The following TACR1 variants were observed in gnomAD, a reference collection of about 807,000 sequenced individuals.
TACR1 encodes the protein tachykinin receptor 1, also known as substance-P receptor.
In TACR1, 25 loss-of-function variants were observed where a neutral mutation model predicts 35.8. The ratio of observed to expected loss-of-function variants is 0.70; its 90% CI spans 0.51 to 0.98. The LOEUF (loss-of-function observed/expected upper bound fraction) is 0.98, where lower values mean the gene tolerates loss of function less well. Ranked by LOEUF, TACR1 falls within the 50% of genes least tolerant of loss-of-function variation. The pLI, the probability that TACR1 is intolerant of heterozygous loss-of-function variation, is 0.00. For synonymous variants in TACR1, 195 were observed against 206.7 expected (o/e 0.94, Z 0.48); for missense variants, 478 against 522.9 (o/e 0.91, Z 0.84).
At position 75,100,401 on chromosome 2, in the gene TACR1, T is replaced by C. The variant is rs72918537; in HGVS notation, c.584+20173A>G. 3.3e-3 allele frequency among the ~76,000 whole-genome samples: 510 copies of C among 152,344 alleles called. 2 individuals are homozygous for C. Among genetic ancestry groups the C allele is most frequent in the African/African-American group, 0.011 (477 of 41,576 alleles). Reference sequence around the variant, plus strand: ...AACCTCTCTTTCAAATCTTTGTGCATGTGGTTGTCTCGATTTGGAATTCTT... The same window carrying C: ...AACCTCTCTTTCAAATCTTTGTGCACGTGGTTGTCTCGATTTGGAATTCTT... On this transcript the variant is annotated intron_variant, in intron 2 of 4. Coordinates refer to ENST00000305249, the MANE Select transcript of TACR1 (RefSeq NM_001058.4).
intron 1 of TACR1, among the ~76,000 whole-genome samples, chr2:75,155,524 C>T (rs1368815216): frequency 6.6e-6 from 1 of 152,116 alleles, no homozygotes; most frequent in South Asian, 2.1e-4. Context: ...TCTTCTGGTC[C>T]AGCTCACCTG....
At chr2:75,182,753 C>T (rs776664717) in intron 1 of TACR1, among the ~76,000 whole-genome samples, 10 of 152,106 alleles carry the variant, frequency 6.6e-5, no homozygotes, top group Admixed American at 1.3e-4. Flanking sequence ...CCAAGTGTAT[C>T]GTAGGCTATA....
intron 2 of TACR1, among the ~76,000 whole-genome samples, chr2:75,098,217 A>C (rs561989899): frequency 6.6e-6 from 1 of 152,342 alleles, no homozygotes; most frequent in East Asian, 1.9e-4. Flanking sequence ...AGACAATTCT[A>C]TGCATAGATT....
At chr2:75,154,089 A>G (rs571933637) in intron 1 of TACR1, among the ~76,000 whole-genome samples, 1 of 152,200 alleles carries the variant, frequency 6.6e-6, no homozygotes, top group South Asian at 2.1e-4. Flanking sequence ...GTGCACAACT[A>G]AAGTTCACTT....
At chr2:75,170,891 T>G (rs1409256045) in intron 1 of TACR1, among the ~76,000 whole-genome samples, 1 of 152,140 alleles carries the variant, frequency 6.6e-6, no homozygotes, top group East Asian at 1.9e-4. Context: ...TTCAGTTTTA[T>G]GTAGTCACAA....
rs150286018 is a variant in TACR1, at chr2:75,071,559, TCCTATAAA to T, written c.585-17812_585-17805del. Reference sequence around the variant, plus strand: ...CTTTACTTCCAAGTGCTCTGCAGGCTCCTATAAACCAGAGACCTCACATATCTTTCTTC... The same window carrying T: ...CTTTACTTCCAAGTGCTCTGCAGGCTCCAGAGACCTCACATATCTTTCTTC... On this transcript the variant is annotated intron_variant, in intron 2 of 4. Coordinates refer to ENST00000305249, the MANE Select transcript of TACR1 (RefSeq NM_001058.4). Among the ~76,000 whole-genome samples the T allele has an allele frequency of 8.7e-3, 1,323 of 152,334 alleles. 11 individuals carry two copies. Among genetic ancestry groups the T allele is most frequent in the African/African-American group, 0.03 (1,249 of 41,574 alleles).
intron 2 of TACR1, among the ~76,000 whole-genome samples, chr2:75,113,546 T>TC (rs1363017701): frequency 6.8e-6 from 1 of 147,912 alleles, no homozygotes; most frequent in Non-Finnish European, 1.5e-5. Flanking sequence ...TTTTTTTTTT[T>TC]TTTTTTTTTT....
In TACR1 at chr2:75,092,308, A is replaced by G. The variant is rs547579178; in HGVS notation, c.584+28266T>C. On this transcript the variant is annotated intron_variant, in intron 2 of 4. Transcript: ENST00000305249. ...CTCCCTGCTTGATTATGCAGAATGC[A>G]ACACCACCAGCTTTAATTTCCAAAC... Among the ~76,000 whole-genome samples the G allele has an allele frequency of 1.5e-3, 222 of 152,244 alleles. 1 individual carries two copies. The highest frequency in any genetic ancestry group is 5.3e-3 in the African/African-American group (221 of 41,556).
chr2:75,194,070 T>C (rs868194287), intron 1 of TACR1, among the ~76,000 whole-genome samples: 2 of 152,308 alleles, frequency 1.3e-5, no homozygotes, highest in African/African-American at 4.8e-5. Flanking sequence ...AATTATTCTT[T>C]ATTTGCCTCC....
intron 1 of TACR1, among the ~76,000 whole-genome samples, chr2:75,155,547 T>C (rs1361559677): frequency 6.6e-6 from 1 of 152,112 alleles, no homozygotes; most frequent in Non-Finnish European, 1.5e-5. Context: ...AAATCTCTAT[T>C]CCATCCAGAG....
intron 1 of TACR1, among the ~76,000 whole-genome samples, chr2:75,139,450 A>T (rs550863040): frequency 1.1e-4 from 17 of 152,332 alleles, no homozygotes; most frequent in African/African-American, 4.1e-4. Flanking sequence ...GCAAAGGAGA[A>T]TCTATGCTGG....
intron 2 of TACR1, among the ~76,000 whole-genome samples, chr2:75,115,770 G>T (rs543634558): frequency 6.6e-6 from 1 of 152,100 alleles, no homozygotes; most frequent in Admixed American, 6.5e-5. Context: ...AGCCGGGCAT[G>T]GTGGCGGGTG....
At chr2:75,152,861 A>G (rs1674705175) in intron 1 of TACR1, among the ~76,000 whole-genome samples, 1 of 152,202 alleles carries the variant, frequency 6.6e-6, no homozygotes, top group Non-Finnish European at 1.5e-5. Flanking sequence ...ATCAAAGGCT[A>G]TTAATTCCAA....
At chr2:75,072,133 G>A (rs1672894325) in intron 2 of TACR1, among the ~76,000 whole-genome samples, 1 of 152,158 alleles carries the variant, frequency 6.6e-6, no homozygotes, top group African/African-American at 2.4e-5. Flanking sequence ...GCACCGTGAA[G>A]TAGGAGTTAG....
At chr2:75,175,950 T>TTAATC (rs1231735538) in intron 1 of TACR1, among the ~76,000 whole-genome samples, 22 of 142,724 alleles carry the variant, frequency 1.5e-4, no homozygotes, top group African/African-American at 5.1e-4. Flanking sequence ...TTGCCGATAA[T>TTAATC]TAATCCTCAT....
intron 1 of TACR1, among the ~76,000 whole-genome samples, chr2:75,172,552 C>T (rs1675315595): frequency 6.6e-6 from 1 of 151,912 alleles, no homozygotes; most frequent in East Asian, 2.0e-4. Flanking sequence ...TGTGTGTTCC[C>T]TGTCCCTTCC....
At chr2:75,062,964 A>AC (rs1327322977) in intron 2 of TACR1, among the ~76,000 whole-genome samples, 1 of 152,200 alleles carries the variant, frequency 6.6e-6, no homozygotes, top group Non-Finnish European at 1.5e-5. Flanking sequence ...GTTTTATTGG[A>AC]CTTATAGTTC....
At chr2:75,181,603 A>G (rs1436104935) in intron 1 of TACR1, among the ~76,000 whole-genome samples, 1 of 152,194 alleles carries the variant, frequency 6.6e-6, no homozygotes, top group East Asian at 1.9e-4. Flanking sequence ...AATAATGCTC[A>G]GACTATCTAG....
At chr2:75,170,186 A>G (rs1675242969) in intron 1 of TACR1, among the ~76,000 whole-genome samples, 1 of 152,056 alleles carries the variant, frequency 6.6e-6, no homozygotes, top group African/African-American at 2.4e-5. Context: ...AACTGTTGGG[A>G]GGTAATTGAG....
Sources: allele counts gnomAD v4.1 joint callset (sites outside exome capture counted in the v4.1 genomes callset), GRCh38; gene constraint gnomAD v4.1.1; transcripts MANE v1.5; gene names NCBI Gene and HGNC (gene_info 2026-07-23, HGNC 2026-07-21).